The following EXD3 variants were observed in gnomAD, a reference collection of about 807,000 sequenced individuals.
The protein encoded by EXD3 is exonuclease 3'-5' domain containing 3, also known as exonuclease mut-7 homolog.
A neutral mutation model predicts 98.0 loss-of-function variants in EXD3; 92 were observed. The observed-to-expected ratio is 0.94, with a 90% CI of 0.79 to 1.12. The LOEUF is 1.12. Among genes scored for constraint, EXD3 ranks in the 50% most tolerant of loss-of-function variants. EXD3 has a pLI of 0.00. For synonymous variants in EXD3, 569 were observed against 526.0 expected, an observed-to-expected ratio of 1.08 and a Z score of -1.12; for missense variants, 1,222 against 1,191.6, an observed-to-expected ratio of 1.03 and a Z score of -0.38.
chr9:137,383,040 G>C (rs536848714), intron 3 of EXD3, among the ~76,000 whole-genome samples: 1 of 152,362 alleles, frequency 6.6e-6, no homozygotes, highest in Admixed American at 6.5e-5. Flanking sequence ...TGTCCCTGCA[G>C]GTGAGTGGCC....
At chr9:137,399,723 G>A (rs13302800) in intron 1 of EXD3, among the ~76,000 whole-genome samples, 49,649 of 152,016 alleles carry the variant, frequency 0.33, 9,494 homozygotes, top group African/African-American at 0.53. Flanking sequence ...GGCGAAAGGC[G>A]CTTCTTACAT....
intron 2 of EXD3, among the ~76,000 whole-genome samples, chr9:137,384,450 C>T (rs1836483152): frequency 6.6e-6 from 1 of 152,348 alleles, no homozygotes; most frequent in Non-Finnish European, 1.5e-5. Flanking sequence ...AGAAATAACT[C>T]ACCTGGGACG....
At chr9:137,318,694 G>A (rs1035517222) in intron 19 of EXD3, among the ~76,000 whole-genome samples, 1 of 152,044 alleles carries the variant, frequency 6.6e-6, no homozygotes, top group East Asian at 1.9e-4. Context: ...TGGGTGGGCC[G>A]GTGGGCCATC....
intron 3 of EXD3, among the ~76,000 whole-genome samples, chr9:137,382,934 C>A (rs1217609538): frequency 6.6e-6 from 1 of 152,236 alleles, no homozygotes; most frequent in Non-Finnish European, 1.5e-5. Context: ...CCTAAGGCCT[C>A]CCTGTCCTGG....
intron 1 of EXD3, among the ~76,000 whole-genome samples, chr9:137,400,595 GTC>G (rs1351947479): frequency 6.6e-6 from 1 of 151,966 alleles, no homozygotes; most frequent in Non-Finnish European, 1.5e-5. Flanking sequence ...GAGAAACCCT[GTC>G]TCTACTACAA....
rs189183167 is a variant in EXD3 at position 137,419,654 on chromosome 9, G to A, written c.-48+3460C>T. ...ACTACACTCCAGCCTGGGCAACAGA[G>A]CGAGACTCCATCTCAAAATAAATAA... On this transcript the variant is annotated intron_variant, in intron 1 of 21. Transcript: ENST00000340951. 6.1e-3 allele frequency among the ~76,000 whole-genome samples: 925 copies of A among 152,188 alleles called. 4 individuals carry two copies. Among genetic ancestry groups the A allele is most frequent in the African/African-American group, 0.021 (888 of 41,514 alleles).
rs939482195 is a variant in EXD3 at position 137,352,696 on chromosome 9, T to C, written c.961A>G (p.Met321Val). ...CGCTCCTCGGGCAGCAAGAGTTCCATGGCACACTGGGCGGCCGTGACTGGG... is the reference window on the plus strand; with the variant it reads ...CGCTCCTCGGGCAGCAAGAGTTCCACGGCACACTGGGCGGCCGTGACTGGG... Reference protein sequence around the residue: ...SDPVTAAQCAMELLLPEERLP... With the variant: ...SDPVTAAQCAVELLLPEERLP... Residue 321 changes from methionine to valine, a missense_variant, in exon 11 of 22, where the codon ATG becomes GTG. Met to Val is a conservative substitution (Grantham distance 21). Coordinates refer to ENST00000340951, the MANE Select transcript of EXD3 (RefSeq NM_017820.5). 2 of 1,562,690 alleles carry C rather than the reference T, an allele frequency of 1.3e-6. No individual in the cohort carries two copies. The highest frequency in any genetic ancestry group is 2.7e-5 in the African/African-American group (2 of 73,558).
rs545766332 is a variant in EXD3, at chr9:137,324,624, T to C, written c.1999-481A>G. Among the ~76,000 whole-genome samples, 3 of 152,286 alleles carry C rather than the reference T, an allele frequency of 2.0e-5. No individual in the cohort carries two copies. In the East Asian group the frequency reaches 5.8e-4, roughly 29 times the overall value. On this transcript the variant is annotated intron_variant, in intron 17 of 21. Coordinates refer to ENST00000340951, the MANE Select transcript of EXD3 (RefSeq NM_017820.5). This position sits in a 1 kb window ranked among gnomAD's most constrained non-coding sequence, Gnocchi z 4.1. Reference sequence around the variant, plus strand: ...TGTATGAACTGTGGCATAAAACAGATGGATCATTTTGCTGATTTTGTGAGT... The same window carrying C: ...TGTATGAACTGTGGCATAAAACAGACGGATCATTTTGCTGATTTTGTGAGT...
chr9:137,328,236 T>C (rs67436681), intron 17 of EXD3, among the ~76,000 whole-genome samples: 3 of 139,866 alleles, frequency 2.1e-5, no homozygotes, highest in Non-Finnish European at 3.1e-5. Flanking sequence ...ACAACAAATA[T>C]ACACCCACAT....
At chr9:137,355,972 A>C (rs898263164) in intron 8 of EXD3, among the ~76,000 whole-genome samples, 3 of 151,996 alleles carry the variant, frequency 2.0e-5, no homozygotes, top group African/African-American at 7.2e-5. Flanking sequence ...GCGGACTTGG[A>C]CTCAGCACTC....
At chr9:137,374,446 G>A (rs573032274) in intron 3 of EXD3, 12 of 530,990 alleles carry the variant, frequency 2.3e-5, no homozygotes, top group Non-Finnish European at 2.9e-5. Flanking sequence ...TCCCTGCGAT[G>A]TGGATGGTGT....
At chr9:137,373,624 G>A (rs1835753029) in intron 3 of EXD3, 25 bp from the exon 4 acceptor site, 7 of 1,578,064 alleles carry the variant, frequency 4.4e-6, no homozygotes, top group East Asian at 2.3e-5. Context: ...AACCACACTG[G>A]CACTTTGTCT....
intron 10 of EXD3, chr9:137,353,415 G>T: frequency 1.0e-6 from 1 of 985,352 alleles, no homozygotes; most frequent in South Asian, 4.7e-5. Context: ...CCTCTTGCCA[G>T]GGGAGCCCCT....
chr9:137,332,003 C>G (rs181808713), intron 17 of EXD3, among the ~76,000 whole-genome samples: 1 of 152,234 alleles, frequency 6.6e-6, no homozygotes, highest in Non-Finnish European at 1.5e-5. Context: ...CACACACACA[C>G]AGAACAAACC....
chr9:137,412,619 C>T (rs745713677), intron 1 of EXD3, among the ~76,000 whole-genome samples: 2 of 152,082 alleles, frequency 1.3e-5, no homozygotes, highest in African/African-American at 2.4e-5. Flanking sequence ...CCCAGAGGCA[C>T]GAGGGCACAG....
chr9:137,405,498 CA>C lies in EXD3; in HGVS notation c.-47-10095del, dbSNP rs1162848447. ...GGCCACTCACCCGTCCCCAGCCACTCACCCGTCCCCAGCATCCACAGTTTCT... is the reference window on the plus strand; with the variant it reads ...GGCCACTCACCCGTCCCCAGCCACTCCCCGTCCCCAGCATCCACAGTTTCT... On this transcript the variant is annotated intron_variant, in intron 1 of 21. Transcript: ENST00000340951. This position sits in a 1 kb window ranked among gnomAD's most constrained non-coding sequence, Gnocchi z 4.1. Among the ~76,000 whole-genome samples the C allele has an allele frequency of 6.6e-6, 1 of 152,214 alleles. No individual in the cohort carries two copies. The highest frequency in any genetic ancestry group is 1.5e-5 in the Non-Finnish European group (1 of 68,030).
At chr9:137,374,833 T>C in intron 3 of EXD3, 1 of 985,528 alleles carries the variant, frequency 1.0e-6, no homozygotes, top group South Asian at 4.7e-5. Flanking sequence ...TTGAAGCAAC[T>C]TGAAGGAGCT....
At chr9:137,408,424 G>A (rs1446392462) in intron 1 of EXD3, among the ~76,000 whole-genome samples, 2 of 151,832 alleles carry the variant, frequency 1.3e-5, no homozygotes, top group Admixed American at 1.3e-4. Flanking sequence ...GCGGGCGCCT[G>A]TAGTCCCAGC....
chr9:137,399,010 G>A (rs976251659), intron 1 of EXD3, among the ~76,000 whole-genome samples: 7 of 152,038 alleles, frequency 4.6e-5, no homozygotes, highest in East Asian at 3.9e-4. Flanking sequence ...CAACATCCTC[G>A]TAACACGTGC....
Sources: gnomAD v4.1 joint callset for allele counts (sites outside exome capture counted in the v4.1 genomes callset) on GRCh38, gnomAD v4.1.1 for gene constraint, Gnocchi (gnomAD v3.1) non-coding constraint, MANE v1.5 for transcripts, NCBI Gene and HGNC (gene_info 2026-07-23, HGNC 2026-07-21) for gene names.